Variants in CLASP1 observed in about 807,000 individuals in gnomAD.
The protein encoded by CLASP1 is CLIP-associating protein 1.
CLASP1 carries 38 observed loss-of-function variants against 192.3 expected under a neutral mutation model. The ratio of observed to expected loss-of-function variants is 0.20; its 90% CI spans 0.15 to 0.26. The LOEUF is 0.26. Among genes scored for constraint, CLASP1 ranks in the 10% least tolerant of loss-of-function variants. CLASP1 has a pLI of 1.00. For missense variants in CLASP1, 1,433 were observed against 1,932.5 expected, an observed-to-expected ratio of 0.74 and a Z score of 4.85; for synonymous variants, 691 against 712.8, an observed-to-expected ratio of 0.97 and a Z score of 0.49.
At chr2:121,440,251 G>T (rs1330148857) in intron 19 of CLASP1, among the ~76,000 whole-genome samples, 1 of 152,006 alleles carries the variant, frequency 6.6e-6, no homozygotes, top group Non-Finnish European at 1.5e-5. Flanking sequence ...GTTAAACTCA[G>T]ATATATATTT....
intron 39 of CLASP1, among the ~76,000 whole-genome samples, chr2:121,346,294 T>C (rs1276303432): frequency 6.6e-6 from 1 of 152,224 alleles, no homozygotes; most frequent in Non-Finnish European, 1.5e-5. Flanking sequence ...GCCTCACCCC[T>C]TCACCATGCC....
intron 9 of CLASP1, among the ~76,000 whole-genome samples, chr2:121,464,667 G>C (rs1469538731): frequency 6.6e-6 from 1 of 152,078 alleles, no homozygotes; most frequent in Non-Finnish European, 1.5e-5. Context: ...GTCTGTTCAT[G>C]TCCTTCACCC....
chr2:121,401,354 A>C (rs2076134359), intron 28 of CLASP1, among the ~76,000 whole-genome samples, 155 bp downstream of exon 29: 1 of 152,242 alleles, frequency 6.6e-6, no homozygotes, highest in South Asian at 2.1e-4. Context: ...GACTGGTGGG[A>C]CATGTCAACA....
At chr2:121,539,165 A>G (rs1317817745) in intron 2 of CLASP1, among the ~76,000 whole-genome samples, 2 of 152,236 alleles carry the variant, frequency 1.3e-5, no homozygotes, top group Non-Finnish European at 2.9e-5. Flanking sequence ...TAAGAACTAA[A>G]TAAGTTGATT....
chr2:121,584,075 T>TA (rs992894887), intron 2 of CLASP1, among the ~76,000 whole-genome samples: 15 of 152,170 alleles, frequency 9.9e-5, no homozygotes, highest in African/African-American at 3.6e-4. Flanking sequence ...ACCTTGACCT[T>TA]AGACTTCCAG....
At chr2:121,509,760 C>A (rs1158518165) in intron 7 of CLASP1, among the ~76,000 whole-genome samples, 1 of 152,074 alleles carries the variant, frequency 6.6e-6, no homozygotes, top group Non-Finnish European at 1.5e-5. Context: ...ATTGCTTGAA[C>A]CCAGGAGGCA....
At chr2:121,544,114 C>CTTATAAGTGATTAT (rs2095285033) in intron 2 of CLASP1, among the ~76,000 whole-genome samples, 1 of 152,142 alleles carries the variant, frequency 6.6e-6, no homozygotes, top group Non-Finnish European at 1.5e-5. Flanking sequence ...TAATGACACC[C>CTTATAAGTGATTAT]AAGTCAAATC....
chr2:121,417,356 A>C (rs1559107411), intron 23 of CLASP1, among the ~76,000 whole-genome samples: 1 of 152,158 alleles, frequency 6.6e-6, no homozygotes, highest in African/African-American at 2.4e-5. Flanking sequence ...AAAGGATTGA[A>C]TTTTACTCAT....
chr2:121,410,950 C>A, exon 24 of CLASP1: 1 of 1,608,804 alleles, frequency 6.2e-7, no homozygotes. Flanking sequence ...TTCTTCCTGG[C>A]TGGCCAAGCC....
At chr2:121,355,293 AT>A (rs1445614211) in intron 37 of CLASP1, among the ~76,000 whole-genome samples, 1 of 151,854 alleles carries the variant, frequency 6.6e-6, no homozygotes, top group Admixed American at 6.6e-5. Flanking sequence ...CGCCTAGCTA[AT>A]TTTTTTGTAT....
chr2:121,611,028 A>G (rs1420581027), intron 1 of CLASP1, among the ~76,000 whole-genome samples: 20 of 140,386 alleles, frequency 1.4e-4, no homozygotes, highest in Middle Eastern at 4.5e-3. Context: ...AGGAAGAGGA[A>G]CTGGAGGAGG....
chr2:121,352,010 G>A lies in CLASP1; in HGVS notation c.4207-3292C>T, dbSNP rs139968065. Among the ~76,000 whole-genome samples, 48 of 152,304 alleles carry A rather than the reference G, an allele frequency of 3.2e-4. No homozygotes were observed. In the East Asian group the frequency reaches 8.1e-3, roughly 26 times the overall value. On this transcript the variant is annotated intron_variant, in intron 37 of 39. Transcript: ENST00000263710. ...TCAGGCCACAGAGCTGAGAAGGACC[G>A]GGCCACCCATGCTCTGGTGGTTGAG... is the stretch of plus-strand genomic sequence containing the variant.
At chr2:121,546,569 C>T (rs967228530) in intron 2 of CLASP1, among the ~76,000 whole-genome samples, 2 of 151,908 alleles carry the variant, frequency 1.3e-5, no homozygotes, top group Admixed American at 1.3e-4. Context: ...TATGGGACCC[C>T]GGGAACCACG....
chr2:121,600,966 A>G (rs1005824185), intron 2 of CLASP1, among the ~76,000 whole-genome samples: 2 of 152,228 alleles, frequency 1.3e-5, no homozygotes, highest in Non-Finnish European at 2.9e-5. Flanking sequence ...ATGTGATGAA[A>G]GAAAAGTCTG....
At chr2:121,565,028 G>A (rs1384762501) in intron 2 of CLASP1, among the ~76,000 whole-genome samples, 2 of 152,194 alleles carry the variant, frequency 1.3e-5, no homozygotes, top group Admixed American at 6.5e-5. Flanking sequence ...CCTATCAACA[G>A]GCCAGGCTGG....
chr2:121,404,197 T>G (rs1301462946), intron 26 of CLASP1, 174 bp downstream of exon 27: 2 of 821,520 alleles, frequency 2.4e-6, no homozygotes, highest in African/African-American at 3.7e-5. Flanking sequence ...CACATTTAAG[T>G]TTCCAAGAAT....
intron 1 of CLASP1, among the ~76,000 whole-genome samples, chr2:121,613,645 C>T (rs891163521): frequency 1.3e-5 from 2 of 149,984 alleles, no homozygotes; most frequent in African/African-American, 2.5e-5. Context: ...AAAAAAATAG[C>T]ACCTATCTCC....
intron 1 of CLASP1, among the ~76,000 whole-genome samples, chr2:121,635,600 A>G (rs1346402855): frequency 6.6e-6 from 1 of 152,228 alleles, no homozygotes; most frequent in Non-Finnish European, 1.5e-5. Context: ...TAGGGCAAGT[A>G]ACATTAGCCA....
chr2:121,645,310 A>G (rs998127823), intron 1 of CLASP1, among the ~76,000 whole-genome samples: 1 of 152,236 alleles, frequency 6.6e-6, no homozygotes, highest in Admixed American at 6.5e-5. Flanking sequence ...AACTAAGGTC[A>G]ATACGTGAAA....
Sources: allele counts gnomAD v4.1 joint callset (sites outside exome capture counted in the v4.1 genomes callset), GRCh38; gene constraint gnomAD v4.1.1; transcripts MANE v1.5; gene names NCBI Gene and HGNC (gene_info 2026-07-23, HGNC 2026-07-21).